SRGAP1: variants seen among roughly 807,000 people sequenced by gnomAD.
The protein encoded by SRGAP1 is SLIT-ROBO Rho GTPase activating protein 1, also known as SLIT-ROBO Rho GTPase-activating protein 1.
SRGAP1 carries 43 observed loss-of-function variants against 121.9 expected under a neutral mutation model. That is an observed-to-expected ratio of 0.35 (90% confidence interval 0.28 to 0.46). The LOEUF (loss-of-function observed/expected upper bound fraction) is 0.46, where lower values mean the gene tolerates loss of function less well. Among genes scored for constraint, SRGAP1 ranks in the 20% least tolerant of loss-of-function variants. SRGAP1 has a pLI of 1.00. For synonymous variants in SRGAP1, 447 were observed against 485.4 expected (o/e 0.92, Z 1.04); for missense variants, 1,102 against 1,350.9 (o/e 0.82, Z 2.89).
rs2037207942 is a variant in SRGAP1 at position 64,161,311 on chromosome 12, T to C, written c.*18639T>C. ...CTCCTCCATTCCATCTGTTTTCTTATAATTCCTAATATTTGGAGGTTGGAC... is the reference window on the plus strand; with the variant it reads ...CTCCTCCATTCCATCTGTTTTCTTACAATTCCTAATATTTGGAGGTTGGAC... On this transcript the variant is annotated 3_prime_UTR_variant, in exon 22 of 22. Transcript: ENST00000355086. 1.3e-5 allele frequency: 2 copies of C among 152,228 alleles called. No individual in the cohort carries two copies. Among genetic ancestry groups the C allele is most frequent in the Admixed American group, 6.5e-5 (1 of 15,284 alleles). The allele number at this position is 152,228 out of a possible 1,614,324, so 9.4% of individuals were successfully genotyped here.
At chr12:63,877,952 C>G (rs1476955402) in intron 1 of SRGAP1, among the ~76,000 whole-genome samples, 5 of 152,192 alleles carry the variant, frequency 3.3e-5, no homozygotes, top group Non-Finnish European at 7.3e-5. Context: ...GATGATAGAG[C>G]CTCTATGCTG....
At chr12:63,955,304 G>A (rs1247429707) in intron 1 of SRGAP1, among the ~76,000 whole-genome samples, 1 of 152,132 alleles carries the variant, frequency 6.6e-6, no homozygotes, top group Non-Finnish European at 1.5e-5. Flanking sequence ...GGGTGACAGA[G>A]TGAGACTCTG....
intron 21 of SRGAP1, among the ~76,000 whole-genome samples, chr12:64,129,574 C>T (rs575494629): frequency 3.3e-5 from 5 of 152,262 alleles, no homozygotes; most frequent in African/African-American, 1.2e-4. Flanking sequence ...AAGTCTACCC[C>T]TTGTCAACTT....
At chr12:63,918,625 C>T (rs1416144147) in intron 1 of SRGAP1, among the ~76,000 whole-genome samples, 1 of 152,112 alleles carries the variant, frequency 6.6e-6, no homozygotes, top group Non-Finnish European at 1.5e-5. Flanking sequence ...CCATGTTGCC[C>T]CAGCTGGTCT....
intron 10 of SRGAP1, 67 bp from the exon 11 acceptor site, chr12:64,086,932 C>T: frequency 1.6e-6 from 2 of 1,215,284 alleles, no homozygotes; most frequent in African/African-American, 1.5e-5. Flanking sequence ...ATAGGAGATA[C>T]AAAAGAGTAC....
At chr12:63,876,863 T>C (rs1387047579) in intron 1 of SRGAP1, among the ~76,000 whole-genome samples, 2 of 152,204 alleles carry the variant, frequency 1.3e-5, no homozygotes, top group Admixed American at 1.3e-4. Context: ...AATGAACCTT[T>C]TAAAAAATAT....
chr12:63,982,007 A>T (rs1489269595), intron 1 of SRGAP1, among the ~76,000 whole-genome samples: 2 of 152,072 alleles, frequency 1.3e-5, no homozygotes, highest in Non-Finnish European at 2.9e-5. Context: ...AGGTCAGGAG[A>T]TCGAGACAGT....
intron 1 of SRGAP1, among the ~76,000 whole-genome samples, chr12:63,895,503 T>TA (rs1900724382): frequency 6.6e-6 from 1 of 152,216 alleles, no homozygotes; most frequent in Admixed American, 6.5e-5. Flanking sequence ...GCCATCATCA[T>TA]AGAAATGTCT....
chr12:63,926,905 G>T (rs1008265004), intron 1 of SRGAP1, among the ~76,000 whole-genome samples: 2 of 151,834 alleles, frequency 1.3e-5, no homozygotes, highest in Non-Finnish European at 1.5e-5. Context: ...GCTTTCTTAT[G>T]ATTTAAATAT....
At chr12:64,129,372 T>G (rs1170343555) in intron 21 of SRGAP1, among the ~76,000 whole-genome samples, 1 of 152,162 alleles carries the variant, frequency 6.6e-6, no homozygotes, top group Non-Finnish European at 1.5e-5. Flanking sequence ...AACCTTTTCA[T>G]GTTTTTCTGC....
Position 64,151,778 on chromosome 12 carries a change from G to T in SRGAP1, c.*9106G>T, listed in dbSNP as rs2037122019. On this transcript the variant is annotated 3_prime_UTR_variant, in exon 22 of 22. Transcript: ENST00000355086. Reference sequence around the variant, plus strand: ...ACTCACCTCTGTGTCCTAAACTTCAGATGACTCTTTATTGTTTCAGCTAAA... The same window carrying T: ...ACTCACCTCTGTGTCCTAAACTTCATATGACTCTTTATTGTTTCAGCTAAA... 6.6e-6 allele frequency: 1 copy of T among 152,150 alleles called. No individual in the cohort carries two copies. The allele number at this position is 152,150 out of a possible 1,614,324, so 9.4% of individuals were successfully genotyped here. A position where few individuals can be genotyped will look rare whatever the true frequency, so the allele number is the denominator to read the frequency against.
chr12:64,126,765 G>A (rs2036693685), intron 19 of SRGAP1, among the ~76,000 whole-genome samples: 1 of 152,222 alleles, frequency 6.6e-6, no homozygotes, highest in South Asian at 2.1e-4. Context: ...ATGTTAAAAT[G>A]TGTATCTCGG....
intron 4 of SRGAP1, among the ~76,000 whole-genome samples, chr12:64,021,599 T>G (rs1450924219): frequency 6.6e-6 from 1 of 152,200 alleles, no homozygotes; most frequent in Non-Finnish European, 1.5e-5. Flanking sequence ...CTCTACCCTT[T>G]ACTGTCATTT....
chr12:63,902,225 A>G (rs2029971428), intron 1 of SRGAP1, among the ~76,000 whole-genome samples: 2 of 152,234 alleles, frequency 1.3e-5, no homozygotes, highest in African/African-American at 2.4e-5. Context: ...CCCCATTCCA[A>G]TGAACTGTAG....
chr12:64,138,316 T>G (rs555875698), intron 21 of SRGAP1, among the ~76,000 whole-genome samples: 17 of 152,212 alleles, frequency 1.1e-4, no homozygotes, highest in South Asian at 2.1e-4. Context: ...TTAAGGGAAG[T>G]TTTCATAATT....
intron 3 of SRGAP1, among the ~76,000 whole-genome samples, chr12:64,011,545 CT>C (rs1467762502): frequency 2.0e-5 from 3 of 152,068 alleles, no homozygotes; most frequent in Non-Finnish European, 4.4e-5. Context: ...AGATATATGC[CT>C]TTTGACCAGC....
At chr12:63,954,677 C>CAAAAAAAAAAA (rs60508657) in intron 1 of SRGAP1, among the ~76,000 whole-genome samples, 28 of 104,602 alleles carry the variant, frequency 2.7e-4, no homozygotes, top group African/African-American at 9.3e-4. Context: ...GACTCCATCT[C>CAAAAAAAAAAA]AAAAAAAAAA....
At chr12:63,868,056 A>ATTTTTTTTTTTTTTTT (rs1219689164) in intron 1 of SRGAP1, among the ~76,000 whole-genome samples, 4 of 57,868 alleles carry the variant, frequency 6.9e-5, no homozygotes, top group Non-Finnish European at 9.6e-5. Flanking sequence ...ATATATATAT[A>ATTTTTTTTTTTTTTTT]TTTTTTTTTT....
Position 64,150,081 on chromosome 12 carries a change from G to A in SRGAP1, c.*7409G>A, listed in dbSNP as rs2037100962. ...AAAAACAAAATAGTTTTTCTATCAA[G>A]GTCAGTCTCAGCAAGAGAAATGGGA... On this transcript the variant is annotated 3_prime_UTR_variant, in exon 22 of 22. Transcript: ENST00000355086. 6.6e-6 allele frequency: 1 copy of A among 151,936 alleles called. No homozygotes were observed. The highest frequency in any genetic ancestry group is 1.5e-5 in the Non-Finnish European group (1 of 68,020). The allele number at this position is 151,936 out of a possible 1,614,324, so 9.4% of individuals were successfully genotyped here. A position where few individuals can be genotyped will look rare whatever the true frequency, so the allele number is the denominator to read the frequency against.
Sources: gnomAD v4.1 joint callset for allele counts (sites outside exome capture counted in the v4.1 genomes callset) on GRCh38, gnomAD v4.1.1 for gene constraint, MANE v1.5 for transcripts, NCBI Gene and HGNC (gene_info 2026-07-23, HGNC 2026-07-21) for gene names.